Variants in FMN1 observed in about 807,000 individuals in gnomAD.
FMN1 encodes formin 1, also known as formin-1.
A neutral mutation model predicts 132.4 loss-of-function variants in FMN1; 110 were observed. That is an observed-to-expected ratio of 0.83 (90% confidence interval 0.71 to 0.97). The LOEUF is 0.97. Ranked by LOEUF, FMN1 falls within the 50% of genes least tolerant of loss-of-function variation. FMN1 has a pLI of 0.00. For missense variants in FMN1, 1,792 were observed against 1,705.3 expected (o/e 1.05, Z -0.90); for synonymous variants, 722 against 651.7 (o/e 1.11, Z -1.64).
intron 6 of FMN1, among the ~76,000 whole-genome samples, chr15:33,030,237 C>A (rs2035872708): frequency 6.6e-6 from 1 of 152,088 alleles, no homozygotes; most frequent in Admixed American, 6.6e-5. Context: ...TATTAGCTGA[C>A]TGAAATGGAA....
intron 6 of FMN1, among the ~76,000 whole-genome samples, chr15:33,035,846 T>C (rs2036166222): frequency 6.6e-6 from 1 of 152,206 alleles, no homozygotes. Context: ...TAAGAGGTGA[T>C]TCGATCAGAC....
intron 17 of FMN1, among the ~76,000 whole-genome samples, chr15:32,810,661 T>C (rs143878442): frequency 0.016 from 2,440 of 152,332 alleles, 28 homozygotes; most frequent in Middle Eastern, 0.051. Context: ...GTGGCATTCA[T>C]ACAATGAGAG....
At position 32,963,840 on chromosome 15, in the gene FMN1, T is replaced by C. The variant is rs1394665630; in HGVS notation, c.3138+267A>G. On this transcript the variant is annotated intron_variant, in intron 9 of 20. Transcript: ENST00000616417. ...CAGATTTCATGAACTATTGGCTCCC[T>C]TTGCCATCTGCCACTCAAAACCTTC... Among the ~76,000 whole-genome samples, 5 of 152,130 alleles carry C rather than the reference T, an allele frequency of 3.3e-5. No homozygotes were observed. The South Asian group carries it at 6.2e-4, about 19-fold the overall frequency.
At chr15:32,821,022 TTTAGA>T (rs2058199645) in intron 17 of FMN1, among the ~76,000 whole-genome samples, 1 of 151,832 alleles carries the variant, frequency 6.6e-6, no homozygotes, top group South Asian at 2.1e-4. Context: ...GCTTTTGTCC[TTTAGA>T]TTATTATTTG....
rs73372972 is a variant in FMN1 at position 32,975,303 on chromosome 15, T to A, written c.2224-5826A>T. Among the ~76,000 whole-genome samples, 775 of 152,332 alleles carry A rather than the reference T, an allele frequency of 5.1e-3. 13 individuals are homozygous for A. Among genetic ancestry groups the A allele is most frequent in the African/African-American group, 0.018 (750 of 41,576 alleles). On this transcript the variant is annotated intron_variant, in intron 7 of 20. Transcript: ENST00000616417. ...TTGGGGACCACAATTTAATCATATT[T>A]GAACCTCCAGAGCATCACACACTGC...
chr15:33,108,100 T>C (rs1179498448), intron 4 of FMN1, among the ~76,000 whole-genome samples: 7 of 152,076 alleles, frequency 4.6e-5, no homozygotes, highest in Admixed American at 3.9e-4. Flanking sequence ...GGGAGAGCAA[T>C]GCCTTCCCTG....
At chr15:32,934,666 G>A (rs1049006386) in intron 9 of FMN1, among the ~76,000 whole-genome samples, 7 of 149,976 alleles carry the variant, frequency 4.7e-5, no homozygotes, top group Non-Finnish European at 7.4e-5. Flanking sequence ...GAGTGCAATG[G>A]CGCAATCTTG....
intron 11 of FMN1, among the ~76,000 whole-genome samples, chr15:32,909,723 T>C (rs2060511266): frequency 1.3e-5 from 2 of 152,206 alleles, no homozygotes; most frequent in African/African-American, 2.4e-5. Context: ...TGAACAATCA[T>C]GGGAATTCTG....
chr15:33,054,475 A>C (rs2037125984), intron 6 of FMN1, among the ~76,000 whole-genome samples: 1 of 152,182 alleles, frequency 6.6e-6, no homozygotes, highest in South Asian at 2.1e-4. Flanking sequence ...CCGCAAAAAA[A>C]CTTTCAGGAT....
chr15:33,116,201 T>C (rs1024937811), intron 4 of FMN1, among the ~76,000 whole-genome samples: 2 of 152,154 alleles, frequency 1.3e-5, no homozygotes, highest in Admixed American at 6.6e-5. Flanking sequence ...AAACGTAGAC[T>C]AACTTTTTCA....
chr15:33,094,840 C>G (rs2039022019), intron 4 of FMN1, among the ~76,000 whole-genome samples: 1 of 152,094 alleles, frequency 6.6e-6, no homozygotes, highest in African/African-American at 2.4e-5. Context: ...TATTTTAACA[C>G]TTGAAAAACA....
intron 6 of FMN1, among the ~76,000 whole-genome samples, chr15:33,045,806 C>T (rs951399686): frequency 7.9e-5 from 12 of 151,992 alleles, no homozygotes; most frequent in Admixed American, 4.6e-4. Flanking sequence ...TTTCATTTTT[C>T]GTGCACATGT....
At chr15:32,776,969 G>T in intron 19 of FMN1, 50 bp from the exon 20 acceptor site, 1 of 1,124,676 alleles carries the variant, frequency 8.9e-7, no homozygotes, top group Non-Finnish European at 1.3e-6. Context: ...AAGAAAGGAA[G>T]AGGGAAAAGG....
intron 2 of FMN1, among the ~76,000 whole-genome samples, chr15:33,183,989 A>G (rs1965791972): frequency 6.6e-6 from 1 of 152,198 alleles, no homozygotes; most frequent in Non-Finnish European, 1.5e-5. Context: ...TAAAAAATAT[A>G]TGTATCTCAA....
At chr15:32,979,623 A>C (rs1437069598) in intron 7 of FMN1, among the ~76,000 whole-genome samples, 1 of 151,914 alleles carries the variant, frequency 6.6e-6, no homozygotes, top group Non-Finnish European at 1.5e-5. Flanking sequence ...AGGTAGAAAC[A>C]GTAATATATT....
At chr15:32,877,201 C>A (rs1394124305) in intron 16 of FMN1, among the ~76,000 whole-genome samples, 1 of 151,596 alleles carries the variant, frequency 6.6e-6, no homozygotes, top group Non-Finnish European at 1.5e-5. Flanking sequence ...GCAGGAGAAT[C>A]GTTTGAACCC....
At chr15:32,881,732 G>T (rs951717616) in intron 16 of FMN1, among the ~76,000 whole-genome samples, 1 of 152,134 alleles carries the variant, frequency 6.6e-6, no homozygotes, top group Non-Finnish European at 1.5e-5. Flanking sequence ...CCAGGTGGCA[G>T]AGGTCATTCG....
At chr15:33,085,867 A>G (rs2038670793) in intron 5 of FMN1, among the ~76,000 whole-genome samples, 1 of 152,226 alleles carries the variant, frequency 6.6e-6, no homozygotes, top group African/African-American at 2.4e-5. Context: ...AAATTTTGGC[A>G]TATCATTTCA....
intron 5 of FMN1, among the ~76,000 whole-genome samples, chr15:33,070,654 G>A (rs559268694): frequency 1.9e-4 from 29 of 152,188 alleles, no homozygotes; most frequent in African/African-American, 6.7e-4. Flanking sequence ...CATCCCCTTG[G>A]CTCTAGGTAA....
Sources: allele counts gnomAD v4.1 joint callset (sites outside exome capture counted in the v4.1 genomes callset), GRCh38; gene constraint gnomAD v4.1.1; transcripts MANE v1.5; gene names NCBI Gene and HGNC (gene_info 2026-07-23, HGNC 2026-07-21).